Variants in MACROD2 observed in about 807,000 individuals in gnomAD.
The protein encoded by MACROD2 is mono-ADP ribosylhydrolase 2.
A neutral mutation model predicts 70.4 loss-of-function variants in MACROD2; 36 were observed. The observed-to-expected ratio is 0.51, with a 90% confidence interval of 0.39 to 0.68. MACROD2 has a LOEUF of 0.68. Ranked by LOEUF, MACROD2 falls within the 30% of genes least tolerant of loss-of-function variation. The probability of loss-of-function intolerance (pLI) is 0.00; values close to 1 mark genes in which losing one functional copy is unlikely to be tolerated. For synonymous variants in MACROD2, 172 were observed against 178.8 expected (o/e 0.96, Z 0.30); for missense variants, 496 against 538.4 (o/e 0.92, Z 0.78).
At chr20:14,820,723 T>C (rs926774587) in intron 5 of MACROD2, among the ~76,000 whole-genome samples, 3 of 152,078 alleles carry the variant, frequency 2.0e-5, no homozygotes, top group East Asian at 1.9e-4. Context: ...ATTCTTTTTT[T>C]CCCCCCTTTT....
intron 3 of MACROD2, among the ~76,000 whole-genome samples, chr20:14,349,701 A>G (rs1275193830): frequency 1.3e-5 from 2 of 150,348 alleles, no homozygotes; most frequent in South Asian, 2.1e-4. Flanking sequence ...AAATTCCACA[A>G]ATAAGTGAGA....
At chr20:15,134,891 G>C (rs1211995516) in intron 5 of MACROD2, among the ~76,000 whole-genome samples, 5 of 151,976 alleles carry the variant, frequency 3.3e-5, no homozygotes, top group Non-Finnish European at 7.4e-5. Flanking sequence ...TATCACCACC[G>C]ATCCCACAGA....
intron 5 of MACROD2, among the ~76,000 whole-genome samples, chr20:15,001,842 G>C (rs1241668604): frequency 6.6e-6 from 1 of 151,928 alleles, no homozygotes; most frequent in Non-Finnish European, 1.5e-5. Flanking sequence ...ACAATTTGTA[G>C]TGTTTTATCC....
chr20:15,966,766 C>T (rs570515094), intron 12 of MACROD2, among the ~76,000 whole-genome samples: 142 of 152,164 alleles, frequency 9.3e-4, no homozygotes, highest in African/African-American at 3.2e-3. Context: ...TATACTTGGC[C>T]ATTATTAAAT....
intron 5 of MACROD2, among the ~76,000 whole-genome samples, chr20:14,734,325 TG>T (rs2071632502): frequency 6.6e-6 from 1 of 151,852 alleles, no homozygotes; most frequent in African/African-American, 2.4e-5. Flanking sequence ...AGTGAAACCC[TG>T]TCTCTACTAA....
chr20:15,900,881 G>C (rs2065053594), intron 10 of MACROD2, among the ~76,000 whole-genome samples: 1 of 152,134 alleles, frequency 6.6e-6, no homozygotes, highest in African/African-American at 2.4e-5. Flanking sequence ...ATGGACAGAA[G>C]GGAAACTGAT....
intron 5 of MACROD2, among the ~76,000 whole-genome samples, chr20:14,861,246 A>G (rs2073313012): frequency 1.3e-5 from 2 of 152,224 alleles, no homozygotes; most frequent in Admixed American, 1.3e-4. Flanking sequence ...CAATGGGAAG[A>G]TAATGTTAAT....
intron 4 of MACROD2, among the ~76,000 whole-genome samples, chr20:14,554,173 A>G (rs952845090): frequency 1.3e-5 from 2 of 152,116 alleles, no homozygotes; most frequent in Admixed American, 6.6e-5. Context: ...CTCCTTTCTC[A>G]AAGGTTGCCT....
At chr20:15,296,806 T>G (rs1284742493) in intron 6 of MACROD2, among the ~76,000 whole-genome samples, 1 of 152,234 alleles carries the variant, frequency 6.6e-6, no homozygotes, top group Non-Finnish European at 1.5e-5. Flanking sequence ...AAATGGCAAC[T>G]CCATAAGTGG....
intron 4 of MACROD2, among the ~76,000 whole-genome samples, chr20:14,545,593 A>T (rs767652900): frequency 1.1e-4 from 17 of 152,198 alleles, no homozygotes; most frequent in Non-Finnish European, 2.2e-4. Context: ...GAATCATAGT[A>T]ATTAAGTAAT....
chr20:15,889,712 G>A (rs995048696), intron 10 of MACROD2, among the ~76,000 whole-genome samples: 2 of 152,108 alleles, frequency 1.3e-5, no homozygotes, highest in Non-Finnish European at 2.9e-5. Context: ...ACTATGCACT[G>A]TTGAAATTAG....
intron 4 of MACROD2, among the ~76,000 whole-genome samples, chr20:14,553,908 C>T (rs1978844527): frequency 6.6e-6 from 1 of 152,130 alleles, no homozygotes; most frequent in African/African-American, 2.4e-5. Context: ...CATGGTTTTC[C>T]ATTTATCACA....
chr20:14,852,778 C>T (rs1056086411), intron 5 of MACROD2, among the ~76,000 whole-genome samples: 7 of 152,190 alleles, frequency 4.6e-5, no homozygotes, highest in African/African-American at 1.7e-4. Flanking sequence ...CATGGCTTAA[C>T]ATTCATAATG....
At chr20:15,735,694 G>A (rs1284753372) in intron 8 of MACROD2, among the ~76,000 whole-genome samples, 1 of 152,160 alleles carries the variant, frequency 6.6e-6, no homozygotes, top group Non-Finnish European at 1.5e-5. Flanking sequence ...TGCAGTGCAT[G>A]TTTCCATTTC....
Position 15,306,142 on chromosome 20 carries a change from G to A in MACROD2, c.540+76081G>A, listed in dbSNP as rs139171126. ...CAGTTTTCTTGATGAAGAAGGTGGA[G>A]GTAAAATAGTTATTACCTGACAGTG... On this transcript the variant is annotated intron_variant, in intron 6 of 17. Transcript: ENST00000684519. Among the ~76,000 whole-genome samples, 321 of 152,250 alleles carry A rather than the reference G, an allele frequency of 2.1e-3. 2 individuals carry two copies. The highest frequency in any genetic ancestry group is 7.0e-3 in the African/African-American group (292 of 41,546).
intron 5 of MACROD2, among the ~76,000 whole-genome samples, chr20:15,193,225 G>T (rs185095666): frequency 2.0e-5 from 3 of 152,044 alleles, no homozygotes; most frequent in Non-Finnish European, 4.4e-5. Flanking sequence ...ATATGTATTA[G>T]AGTATTACTT....
At chr20:15,796,462 A>C (rs1452051476) in intron 8 of MACROD2, among the ~76,000 whole-genome samples, 6 of 152,218 alleles carry the variant, frequency 3.9e-5, no homozygotes, top group Non-Finnish European at 7.3e-5. Flanking sequence ...GCACGTAACA[A>C]ATAGTTTTGA....
intron 4 of MACROD2, among the ~76,000 whole-genome samples, chr20:14,565,074 A>G (rs1979696046): frequency 6.6e-6 from 1 of 151,940 alleles, no homozygotes; most frequent in African/African-American, 2.4e-5. Flanking sequence ...AACTGAAATG[A>G]CTCAGAAACA....
At chr20:15,045,099 A>G (rs1045530745) in intron 5 of MACROD2, among the ~76,000 whole-genome samples, 2 of 152,168 alleles carry the variant, frequency 1.3e-5, no homozygotes, top group African/African-American at 4.8e-5. Flanking sequence ...CCAGTTTCTA[A>G]GAGAACCTAA....
Sources: allele counts gnomAD v4.1 joint callset (sites outside exome capture counted in the v4.1 genomes callset), GRCh38; gene constraint gnomAD v4.1.1; transcripts MANE v1.5; gene names NCBI Gene and HGNC (gene_info 2026-07-23, HGNC 2026-07-21).